THSD7B: variants seen among roughly 807,000 people sequenced by gnomAD.
THSD7B encodes the protein thrombospondin type 1 domain containing 7B.
THSD7B carries 138 observed loss-of-function variants against 213.6 expected under a neutral mutation model. That is an observed-to-expected ratio of 0.65 (90% confidence interval 0.56 to 0.74). The LOEUF (loss-of-function observed/expected upper bound fraction) is 0.74. Among genes scored for constraint, THSD7B ranks in the 30% least tolerant of loss-of-function variants. The pLI is 0.00. For synonymous variants in THSD7B, 742 were observed against 687.0 expected, an observed-to-expected ratio of 1.08 and a Z score of -1.25; for missense variants, 1,931 against 1,991.5, an observed-to-expected ratio of 0.97 and a Z score of 0.58.
At chr2:136,944,936 G>T (rs893769075) in intron 2 of THSD7B, among the ~76,000 whole-genome samples, 8 of 152,080 alleles carry the variant, frequency 5.3e-5, no homozygotes, top group Non-Finnish European at 1.2e-4. Context: ...TCATTATGAT[G>T]TTAGCTGGTT....
In THSD7B at chr2:137,642,585, C is replaced by T; in HGVS notation, c.3897C>T (p.Thr1299=). ...CCCAGGAGAAAACCTGCCCAGTGAC[C>T]CCCTGCTACAGCTGGGTCCTTGGCA... is the stretch of plus-strand genomic sequence containing the variant. ...ELTQEKTCPV[T]PCYSWVLGNW... is the part of the protein sequence containing the mutation. The change falls in exon 21 of 28, where the codon ACC becomes ACT. Residue 1299 remains threonine (T), a synonymous_variant. Coordinates refer to ENST00000409968, the MANE Select transcript of THSD7B (RefSeq NM_001316349.2). The T allele has an allele frequency of 6.2e-7, 1 of 1,613,866 alleles. No individual in the cohort carries two copies. The highest frequency in any genetic ancestry group is 8.5e-7 in the Non-Finnish European group (1 of 1,179,850).
intron 15 of THSD7B, among the ~76,000 whole-genome samples, chr2:137,508,593 G>C (rs1265427751): frequency 6.8e-6 from 1 of 147,034 alleles, no homozygotes; most frequent in Non-Finnish European, 1.5e-5. Flanking sequence ...GTTTCACCAT[G>C]TTAGCCAGGA....
At chr2:137,460,044 T>A (rs981443945) in intron 15 of THSD7B, among the ~76,000 whole-genome samples, 2 of 152,120 alleles carry the variant, frequency 1.3e-5, no homozygotes, top group Non-Finnish European at 2.9e-5. Context: ...CCTTTCTAAT[T>A]CAAACAATGA....
chr2:137,025,241 T>C (rs1686525994), intron 2 of THSD7B, among the ~76,000 whole-genome samples: 1 of 152,174 alleles, frequency 6.6e-6, no homozygotes. Context: ...AGCATAAAAT[T>C]GGTCTATATC....
chr2:137,532,620 A>G (rs1680419868), intron 15 of THSD7B, among the ~76,000 whole-genome samples: 1 of 151,834 alleles, frequency 6.6e-6, no homozygotes, highest in African/African-American at 2.4e-5. Flanking sequence ...ATAGAGATAA[A>G]ACATGTTATT....
intron 6 of THSD7B, among the ~76,000 whole-genome samples, 176 bp from the exon 7 acceptor site, chr2:137,170,563 TTC>T (rs1473888339): frequency 6.6e-6 from 1 of 152,130 alleles, no homozygotes; most frequent in Non-Finnish European, 1.5e-5. Flanking sequence ...TTCTTTCCCA[TTC>T]TCTTTTTTTT....
At chr2:137,346,787 G>C (rs1224661612) in intron 12 of THSD7B, among the ~76,000 whole-genome samples, 3 of 151,500 alleles carry the variant, frequency 2.0e-5, no homozygotes, top group African/African-American at 7.3e-5. Flanking sequence ...TTTTATGTTT[G>C]TGTGTATGTA....
At chr2:136,817,215 TG>T (rs1450897352) in intron 1 of THSD7B, among the ~76,000 whole-genome samples, 2 of 152,240 alleles carry the variant, frequency 1.3e-5, no homozygotes, top group African/African-American at 4.8e-5. Flanking sequence ...ATTACAGTTT[TG>T]TTTGCTGTTA....
Position 137,636,059 on chromosome 2 carries a change from C to G in THSD7B, c.3800-6429C>G, listed in dbSNP as rs147026701. ...TTTGTATAACCTTTGTGACACATAT[C>G]CAGGCAGTCCTCATCATCTGATATT... is the stretch of plus-strand genomic sequence containing the variant. On this transcript the variant is annotated intron_variant, in intron 20 of 27. Transcript: ENST00000409968. 1.7e-3 allele frequency among the ~76,000 whole-genome samples: 253 copies of G among 152,232 alleles called. 2 individuals are homozygous for G. The highest frequency in any genetic ancestry group is 0.01 in the Middle Eastern group (3 of 294).
At chr2:137,151,300 A>G (rs956295824) in intron 5 of THSD7B, among the ~76,000 whole-genome samples, 2 of 151,942 alleles carry the variant, frequency 1.3e-5, no homozygotes, top group African/African-American at 4.8e-5. Flanking sequence ...GCTTTTTTCC[A>G]TTTTTAACTT....
Position 137,588,481 on chromosome 2 carries a change from GT to G in THSD7B, c.3423+15938del, listed in dbSNP as rs151038727. Among the ~76,000 whole-genome samples, 499 of 136,386 alleles carry G rather than the reference GT, an allele frequency of 3.7e-3. 4 individuals carry two copies. Among genetic ancestry groups the G allele is most frequent in the African/African-American group, 9.5e-3 (354 of 37,162 alleles). 89.5% of individuals were successfully genotyped at this position (136,386 alleles called of 152,430 possible). On this transcript the variant is annotated intron_variant, in intron 17 of 27. Transcript: ENST00000409968. ...CTCTGGAGCTGGAATATTTTTCAGT[GT>G]TTTTTTTTTTTTCAATTTCTCCATT... is the stretch of plus-strand genomic sequence containing the variant.
At chr2:136,984,822 A>G (rs1685643795) in intron 2 of THSD7B, among the ~76,000 whole-genome samples, 1 of 152,204 alleles carries the variant, frequency 6.6e-6, no homozygotes, top group South Asian at 2.1e-4. Context: ...AAATGCTGAT[A>G]GAAAAATGGA....
At chr2:137,099,468 T>C (rs1422716238) in intron 4 of THSD7B, among the ~76,000 whole-genome samples, 1 of 152,216 alleles carries the variant, frequency 6.6e-6, no homozygotes, top group Non-Finnish European at 1.5e-5. Context: ...ACAGCCTGAT[T>C]CTGGAACAGC....
intron 20 of THSD7B, among the ~76,000 whole-genome samples, chr2:137,626,463 CAAAAAAA>C (rs34778966): frequency 6.4e-5 from 6 of 93,634 alleles, no homozygotes; most frequent in African/African-American, 1.5e-4. Context: ...GACTCTGTCT[CAAAAAAA>C]AAAAAAAAAA....
At chr2:137,060,811 T>C (rs536258799) in intron 3 of THSD7B, among the ~76,000 whole-genome samples, 1 of 151,950 alleles carries the variant, frequency 6.6e-6, no homozygotes, top group Non-Finnish European at 1.5e-5. Flanking sequence ...ATTTTTTTTC[T>C]TCCTATGTGT....
chr2:137,162,068 G>A (rs1680029249), intron 6 of THSD7B, among the ~76,000 whole-genome samples: 1 of 152,160 alleles, frequency 6.6e-6, no homozygotes, highest in South Asian at 2.1e-4. Flanking sequence ...GGAGACTAAT[G>A]GTTATAGGTG....
At chr2:136,953,105 AAC>A (rs1393912154) in intron 2 of THSD7B, among the ~76,000 whole-genome samples, 3 of 152,218 alleles carry the variant, frequency 2.0e-5, no homozygotes, top group African/African-American at 7.2e-5. Flanking sequence ...AATAAAAAGT[AAC>A]AGAATATTTA....
intron 2 of THSD7B, among the ~76,000 whole-genome samples, chr2:137,018,591 A>G (rs746596185): frequency 1.3e-5 from 2 of 152,210 alleles, no homozygotes; most frequent in Non-Finnish European, 2.9e-5. Context: ...TTATAAATAC[A>G]GAGTATAAAC....
At chr2:137,383,973 T>C (rs1273502583) in intron 12 of THSD7B, among the ~76,000 whole-genome samples, 1 of 152,198 alleles carries the variant, frequency 6.6e-6, no homozygotes, top group Admixed American at 6.5e-5. Flanking sequence ...GAAACTAATA[T>C]ACCCTTGAAA....
Sources: allele counts gnomAD v4.1 joint callset (sites outside exome capture counted in the v4.1 genomes callset), GRCh38; gene constraint gnomAD v4.1.1; transcripts MANE v1.5; gene names NCBI Gene and HGNC (gene_info 2026-07-23, HGNC 2026-07-21).